The following SEL1L3 variants were observed in gnomAD, a reference collection of about 807,000 sequenced individuals.
SEL1L3 encodes protein sel-1 homolog 3.
In SEL1L3, 76 loss-of-function variants were observed where a neutral mutation model predicts 142.8. The observed-to-expected ratio is 0.53, with a 90% CI of 0.44 to 0.64. The LOEUF is 0.64. Ranked by LOEUF, SEL1L3 falls within the 30% of genes least tolerant of loss-of-function variation. The pLI is 0.00. For missense variants in SEL1L3, 1,262 were observed against 1,381.7 expected, an observed-to-expected ratio of 0.91 and a Z score of 1.37; for synonymous variants, 504 against 519.6, an observed-to-expected ratio of 0.97 and a Z score of 0.41.
At chr4:25,795,851 A>G (rs1204130820) in intron 11 of SEL1L3, among the ~76,000 whole-genome samples, 1 of 152,114 alleles carries the variant, frequency 6.6e-6, no homozygotes, top group African/African-American at 2.4e-5. Flanking sequence ...CTTTAAAAGG[A>G]AAGTGTTCAG....
At chr4:25,836,523 G>C (rs545761358) in intron 2 of SEL1L3, among the ~76,000 whole-genome samples, 5 of 151,924 alleles carry the variant, frequency 3.3e-5, no homozygotes, top group African/African-American at 4.8e-5. Context: ...ATGGTAGTGC[G>C]TGCCTGTAAA....
At chr4:25,831,516 T>A (rs199809159) in intron 5 of SEL1L3, among the ~76,000 whole-genome samples, 21,298 of 98,574 alleles carry the variant, frequency 0.22, 1,757 homozygotes, top group South Asian at 0.31. Context: ...TAATAATTAT[T>A]ATTATTATTA....
At chr4:25,744,172 G>C (rs1016244862), downstream of SEL1L3, among the ~76,000 whole-genome samples, 9 of 152,074 alleles carry the variant, frequency 5.9e-5, no homozygotes, top group Admixed American at 5.2e-4. Context: ...TGCTGGACCA[G>C]AGCCAGCCTC....
intron 23 of SEL1L3, among the ~76,000 whole-genome samples, 166 bp from the exon 24 acceptor site, chr4:25,748,730 T>C (rs1478562756): frequency 6.6e-6 from 1 of 152,196 alleles, no homozygotes; most frequent in Non-Finnish European, 1.5e-5. Context: ...TTTAAGAAGA[T>C]GCCACCACAT....
At position 25,754,413 on chromosome 4, in the gene SEL1L3, A is replaced by G. The variant is rs908653470; in HGVS notation, c.3259+3121T>C. 8.0e-5 allele frequency among the ~76,000 whole-genome samples: 12 copies of G among 150,448 alleles called. No individual in the cohort carries two copies. In the South Asian group the frequency reaches 2.3e-3, roughly 29 times the overall value. On this transcript the variant is annotated intron_variant, in intron 23 of 23. Coordinates refer to ENST00000399878, the MANE Select transcript of SEL1L3 (RefSeq NM_015187.5). ...GCCCAGGCTGGAGCGTGGTGGTGCA[A>G]TTTCAGCTCACTGCAACCTCCGTCT...
At chr4:25,794,422 A>G (rs1320207093) in intron 11 of SEL1L3, among the ~76,000 whole-genome samples, 2 of 152,052 alleles carry the variant, frequency 1.3e-5, no homozygotes, top group South Asian at 2.1e-4. Context: ...AATGTAGGGG[A>G]AAAAAAGCTC....
At chr4:25,815,199 C>T (rs1201556016) in intron 9 of SEL1L3, among the ~76,000 whole-genome samples, 1 of 152,170 alleles carries the variant, frequency 6.6e-6, no homozygotes, top group East Asian at 1.9e-4. Context: ...TCTAATTTGG[C>T]ACCAGAAGAC....
At chr4:25,727,207 T>G in the SEL1L3 span, among the ~76,000 whole-genome samples, 10 of 152,172 alleles carry the variant, frequency 6.6e-5, no homozygotes, top group South Asian at 2.1e-3. Flanking sequence ...CCTGTGCCAC[T>G]ACGCCCAGCT....
At chr4:25,814,938 C>G (rs1480995284) in intron 9 of SEL1L3, among the ~76,000 whole-genome samples, 1 of 152,096 alleles carries the variant, frequency 6.6e-6, no homozygotes, top group African/African-American at 2.4e-5. Context: ...GGAGTGTATG[C>G]CCCACCTCTG....
chr4:25,851,460 T>C (rs751923202), intron 1 of SEL1L3, among the ~76,000 whole-genome samples: 1 of 152,116 alleles, frequency 6.6e-6, no homozygotes, highest in South Asian at 2.1e-4. Context: ...ATATCACTGG[T>C]TGCTTACACG....
intron 1 of SEL1L3, among the ~76,000 whole-genome samples, chr4:25,854,035 T>C (rs1269825087): frequency 1.3e-5 from 2 of 152,208 alleles, no homozygotes; most frequent in African/African-American, 2.4e-5. Context: ...TTGAAATTTG[T>C]GGTTCACATT....
At position 25,804,631 on chromosome 4, in the gene SEL1L3, C is replaced by T. The variant is rs1281130462; in HGVS notation, c.1686G>A (p.Thr562=). 5 of 1,613,712 alleles carry T rather than the reference C, an allele frequency of 3.1e-6. No homozygotes were observed. The highest frequency in any genetic ancestry group is 1.6e-4 in the Middle Eastern group (1 of 6,084). Residue 562 remains threonine, a synonymous_variant, in exon 10 of 24, where the codon ACG becomes ACA. Transcript: ENST00000399878. The stretch of plus-strand genomic sequence containing the variant: ...TATGGTATCCACAGCAGCTGGAATC[C>T]GTCAGAAAGGGGACGATAGAGCTAA... ...HQISSIVPFL[T]DSSCCGYHKA...
chr4:25,788,200 C>T lies in SEL1L3; in HGVS notation c.2217+24G>A. ...GAGTCTGATAAGAATTGCACAATTT[C>T]AGCACGAATTAAGTGATTCTTACCT... is the stretch of plus-strand genomic sequence containing the variant. On this transcript the variant is annotated intron_variant, in intron 13 of 23. Coordinates refer to ENST00000399878, the MANE Select transcript of SEL1L3 (RefSeq NM_015187.5). This position sits in a 1 kb window ranked among gnomAD's most constrained non-coding sequence, Gnocchi z 5.3. 6.2e-7 allele frequency: 1 copy of T among 1,610,756 alleles called. No homozygotes were observed. Among genetic ancestry groups the T allele is most frequent in the Non-Finnish European group, 8.5e-7 (1 of 1,178,768 alleles).
chr4:25,740,754 C>T, the SEL1L3 span, among the ~76,000 whole-genome samples: 836 of 152,266 alleles, frequency 5.5e-3, 26 homozygotes, highest in East Asian at 0.072. Flanking sequence ...TGTTTCCCCA[C>T]ATCCTCAGGG....
intron 11 of SEL1L3, among the ~76,000 whole-genome samples, chr4:25,794,914 A>T (rs565676529): frequency 6.6e-6 from 1 of 152,246 alleles, no homozygotes; most frequent in East Asian, 1.9e-4. Flanking sequence ...AGGGACATGG[A>T]TGGAGTTGGA....
chr4:25,784,002 C>G (rs571116826), intron 14 of SEL1L3, among the ~76,000 whole-genome samples: 7 of 152,284 alleles, frequency 4.6e-5, no homozygotes, highest in South Asian at 4.2e-4. Context: ...GTGAATTCAG[C>G]TTTTGAATTT....
chr4:25,724,275 C>T, the SEL1L3 span, among the ~76,000 whole-genome samples: 70 of 151,968 alleles, frequency 4.6e-4, no homozygotes, highest in South Asian at 0.014. Flanking sequence ...AGGAATTAGC[C>T]AGGCATGGTG....
At chr4:25,858,542 G>T (rs767682497) in intron 1 of SEL1L3, among the ~76,000 whole-genome samples, 14 of 151,836 alleles carry the variant, frequency 9.2e-5, no homozygotes, top group East Asian at 5.8e-4. Flanking sequence ...CTGTTTTTTT[G>T]TTGTTGTTGT....
chr4:25,821,691 C>G (rs183265643), intron 7 of SEL1L3, among the ~76,000 whole-genome samples: 5 of 152,342 alleles, frequency 3.3e-5, no homozygotes, highest in African/African-American at 9.6e-5. Flanking sequence ...AAGATTCTCT[C>G]CTTTCATTAG....
Sources: gnomAD v4.1 joint callset for allele counts (sites outside exome capture counted in the v4.1 genomes callset) on GRCh38, gnomAD v4.1.1 for gene constraint, Gnocchi (gnomAD v3.1) non-coding constraint, MANE v1.5 for transcripts, NCBI Gene and HGNC (gene_info 2026-07-23, HGNC 2026-07-21) for gene names.